The following TRMT9B variants were observed in gnomAD, a reference collection of about 807,000 sequenced individuals.
TRMT9B encodes the protein tRNA methyltransferase 9B (putative), also known as probable tRNA methyltransferase 9B.
In TRMT9B, 16 loss-of-function variants were observed where a neutral mutation model predicts 11.5. The ratio of observed to expected loss-of-function variants is 1.39; its 90% CI spans 0.94 to 2.11. TRMT9B has a LOEUF of 2.11. Ranked by LOEUF, TRMT9B falls within the 30% of genes most tolerant of loss-of-function variation. The pLI is 0.00. For missense variants in TRMT9B, 941 were observed against 553.8 expected (o/e 1.70, Z -7.02); for synonymous variants, 274 against 192.4 (o/e 1.42, Z -3.51).
Position 13,012,829 on chromosome 8 carries a change from G to A in TRMT9B, c.300G>A (p.Glu100=), listed in dbSNP as rs369298289. The change falls in exon 4 of 5, where the codon GAG becomes GAA. Residue 100 remains glutamate, a synonymous_variant. Coordinates refer to ENST00000524591, the MANE Select transcript of TRMT9B (RefSeq NM_020844.3). ...CDNLNLPFRD[E]GFDAIISIGV... Reference sequence around the variant, plus strand: ...ACCTTAATCTCCCCTTTAGGGATGAGGGCTTCGATGCCATCATCTCCATAG... The same window carrying A: ...ACCTTAATCTCCCCTTTAGGGATGAAGGCTTCGATGCCATCATCTCCATAG... The A allele has an allele frequency of 6.2e-7, 1 of 1,613,736 alleles. No individual in the cohort carries two copies. Among genetic ancestry groups the A allele is most frequent in the Non-Finnish European group, 8.5e-7 (1 of 1,179,816 alleles).
chr8:12,974,059 T>C (rs920242403), intron 1 of TRMT9B, among the ~76,000 whole-genome samples: 11 of 152,034 alleles, frequency 7.2e-5, no homozygotes, highest in Non-Finnish European at 2.9e-5. Context: ...TAGTCCCAGC[T>C]ACTCAGAAGG....
In TRMT9B at chr8:13,021,183, C is replaced by T. The variant is rs758970352; in HGVS notation, c.504C>T (p.Leu168=). Residue 168 remains leucine (L), a synonymous_variant, in exon 5 of 5, where the codon CTC becomes CTT. Coordinates refer to ENST00000524591, the MANE Select transcript of TRMT9B (RefSeq NM_020844.3). ...GGAACAGGGCTCTGTGTTCCCAGCTCTTCTCAGAGTCCAGCCAGTCTGGGA... is the reference window on the plus strand; with the variant it reads ...GGAACAGGGCTCTGTGTTCCCAGCTTTTCTCAGAGTCCAGCCAGTCTGGGA... ...VPWNRALCSQ[L]FSESSQSGRK... 13 of 1,613,848 alleles carry T rather than the reference C, an allele frequency of 8.1e-6. No homozygotes were observed. The highest frequency in any genetic ancestry group is 1.1e-5 in the South Asian group (1 of 91,026).
chr8:13,018,901 C>G (rs79956425), intron 4 of TRMT9B, among the ~76,000 whole-genome samples: 7 of 152,090 alleles, frequency 4.6e-5, no homozygotes, highest in Admixed American at 6.5e-5. Context: ...AAATCACCAA[C>G]AAGAAGCACA....
chr8:12,999,858 G>C (rs1435863013), intron 2 of TRMT9B, among the ~76,000 whole-genome samples: 1 of 152,092 alleles, frequency 6.6e-6, no homozygotes, highest in Non-Finnish European at 1.5e-5. Flanking sequence ...AAAAAAGTAG[G>C]ATGCAAAACT....
intron 4 of TRMT9B, among the ~76,000 whole-genome samples, chr8:13,015,506 C>A (rs1387175678): frequency 2.0e-5 from 3 of 152,126 alleles, no homozygotes; most frequent in African/African-American, 7.2e-5. Flanking sequence ...CACACATCAC[C>A]ATGCCTGGCT....
In TRMT9B at chr8:13,004,364, C is replaced by G. The variant is rs1163982740; in HGVS notation, c.-1-1838C>G. ...TGCTAAGGGAGTGCTTGCACCACCC[C>G]GCTCCCAACCCAGGCTGCACAGCTC... On this transcript the variant is annotated intron_variant, in intron 2 of 4. Transcript: ENST00000524591. Among the ~76,000 whole-genome samples, 7 of 151,852 alleles carry G rather than the reference C, an allele frequency of 4.6e-5. No individual in the cohort carries two copies. In the East Asian group the frequency reaches 1.4e-3, roughly 30 times the overall value.
At chr8:12,981,642 C>T (rs1437764813) in intron 1 of TRMT9B, among the ~76,000 whole-genome samples, 1 of 151,792 alleles carries the variant, frequency 6.6e-6, no homozygotes, top group African/African-American at 2.4e-5. Flanking sequence ...CTCTATTGCC[C>T]AGGCTGGAGT....
At chr8:13,005,851 T>C (rs904308140) in intron 2 of TRMT9B, among the ~76,000 whole-genome samples, 12 of 152,254 alleles carry the variant, frequency 7.9e-5, no homozygotes, top group African/African-American at 2.9e-4. Flanking sequence ...TTGAAATCTA[T>C]TTAGCATCAG....
At chr8:12,966,977 T>A (rs1391689346) in intron 1 of TRMT9B, among the ~76,000 whole-genome samples, 1 of 152,216 alleles carries the variant, frequency 6.6e-6, no homozygotes, top group Non-Finnish European at 1.5e-5. Context: ...TAGGGCTAGG[T>A]AGTACTCTAG....
intron 4 of TRMT9B, among the ~76,000 whole-genome samples, chr8:13,017,118 G>A (rs540276791): frequency 3.2e-4 from 48 of 151,790 alleles, no homozygotes; most frequent in East Asian, 1.9e-3. Context: ...GCAAGACTGC[G>A]TCTCAAAAAA....
At chr8:12,996,714 A>G (rs1808404910) in intron 2 of TRMT9B, among the ~76,000 whole-genome samples, 1 of 152,230 alleles carries the variant, frequency 6.6e-6, no homozygotes, top group African/African-American at 2.4e-5. Context: ...TAATTGAAAT[A>G]TACATGGACC....
intron 2 of TRMT9B, among the ~76,000 whole-genome samples, chr8:12,994,160 A>G (rs2954184): frequency 0.12 from 18,549 of 152,206 alleles, 1,581 homozygotes; most frequent in African/African-American, 0.25. Context: ...GATAAACAGA[A>G]GCTTTTAAAA....
intron 1 of TRMT9B, chr8:12,951,870 G>A (rs1195922287): frequency 1.3e-5 from 2 of 151,960 alleles, no homozygotes; most frequent in East Asian, 2.0e-4. Flanking sequence ...AAGGGCTAGC[G>A]AAGCACCCCC....
At position 12,979,994 on chromosome 8, in the gene TRMT9B, G is replaced by C. The variant is rs114545245; in HGVS notation, c.-199-10840G>C. Among the ~76,000 whole-genome samples the C allele has an allele frequency of 5.1e-3, 770 of 152,238 alleles. 6 individuals carry two copies. The highest frequency in any genetic ancestry group is 0.017 in the African/African-American group (726 of 41,570). The stretch of plus-strand genomic sequence containing the variant: ...TGTCACCCCGCCTGTGCCTTTGAAT[G>C]ACCCGTTTTGCATTCAGAGTCCAGG... On this transcript the variant is annotated intron_variant, in intron 1 of 4. Coordinates refer to ENST00000524591, the MANE Select transcript of TRMT9B (RefSeq NM_020844.3).
At chr8:12,977,269 C>T (rs536761041) in intron 1 of TRMT9B, among the ~76,000 whole-genome samples, 7 of 152,222 alleles carry the variant, frequency 4.6e-5, no homozygotes, top group African/African-American at 1.7e-4. Context: ...TCAGCAGTGC[C>T]AATCACAAGA....
chr8:13,004,763 C>T (rs116060364), intron 2 of TRMT9B, among the ~76,000 whole-genome samples: 3,627 of 152,094 alleles, frequency 0.024, 147 homozygotes, highest in African/African-American at 0.083. Flanking sequence ...TATGGGGCAA[C>T]ACTCCTGCTT....
intron 1 of TRMT9B, among the ~76,000 whole-genome samples, chr8:12,947,638 G>A (rs1037949322): frequency 3.9e-5 from 6 of 152,200 alleles, no homozygotes; most frequent in African/African-American, 1.4e-4. Context: ...TAAGTGCTAA[G>A]GACTGTGATA....
intron 1 of TRMT9B, chr8:12,952,185 C>T: frequency 2.2e-6 from 1 of 455,172 alleles, no homozygotes; most frequent in Non-Finnish European, 4.4e-6. Context: ...AGTCGCCACA[C>T]CGTGCGGAAA....
chr8:12,972,062 G>T (rs918008926), intron 1 of TRMT9B, among the ~76,000 whole-genome samples: 6 of 152,172 alleles, frequency 3.9e-5, no homozygotes, highest in Admixed American at 2.0e-4. Context: ...GGTAGAGTCT[G>T]GGAGGGAAAA....
Sources: gnomAD v4.1 joint callset for allele counts (sites outside exome capture counted in the v4.1 genomes callset) on GRCh38, gnomAD v4.1.1 for gene constraint, MANE v1.5 for transcripts, NCBI Gene and HGNC (gene_info 2026-07-23, HGNC 2026-07-21) for gene names.